SLX4: variants seen among roughly 807,000 people sequenced by gnomAD.
SLX4 encodes the protein SLX4 structure-specific endonuclease subunit.
SLX4 carries 112 observed loss-of-function variants against 146.2 expected under a neutral mutation model. The observed-to-expected ratio is 0.77, with a 90% CI of 0.66 to 0.90. The LOEUF is 0.90. Ranked by LOEUF, SLX4 falls within the 40% of genes least tolerant of loss-of-function variation. SLX4 has a pLI of 0.00. For missense variants in SLX4, 2,563 were observed against 2,392.7 expected (o/e 1.07, Z -1.49); for synonymous variants, 1,061 against 997.7 (o/e 1.06, Z -1.20).
At chr16:3,588,296 C>T (rs939231849) in intron 12 of SLX4, among the ~76,000 whole-genome samples, 8 of 152,228 alleles carry the variant, frequency 5.3e-5, no homozygotes, top group African/African-American at 1.9e-4. Context: ...TTTGCCTATT[C>T]TAGACATTTC....
chr16:3,605,098 A>C, intron 3 of SLX4, among the ~76,000 whole-genome samples: 1 of 147,706 alleles, frequency 6.8e-6, no homozygotes, highest in East Asian at 2.0e-4. Context: ...TTAAAAAAAA[A>C]TTTTTTTTTG....
intron 9 of SLX4, 109 bp downstream of exon 9, chr16:3,595,496 C>G (rs1232708563): frequency 3.3e-5 from 40 of 1,221,974 alleles, no homozygotes; most frequent in Non-Finnish European, 2.4e-6. Context: ...CCTTGAGAGG[C>G]CACTGCACTT....
At position 3,583,550 on chromosome 16, in the gene SLX4, A is replaced by C. The variant is rs767577687; in HGVS notation, c.4740-40T>G. The C allele has an allele frequency of 5.0e-6, 8 of 1,610,674 alleles. No homozygotes were observed. In the South Asian group the frequency reaches 8.8e-5, roughly 18 times the overall value. ...GGTGGATCTCAGGACCCACCCACAC[A>C]GCTGGTCCACACTCCACGTTCCCTA... On this transcript the variant is annotated intron_variant, in intron 13 of 14. Coordinates refer to ENST00000294008, the MANE Select transcript of SLX4 (RefSeq NM_032444.4).
At chr16:3,604,242 G>A (rs1293328424) in intron 3 of SLX4, among the ~76,000 whole-genome samples, 1 of 150,258 alleles carries the variant, frequency 6.7e-6, no homozygotes, top group Non-Finnish European at 1.5e-5. Flanking sequence ...AAAAGTCAGT[G>A]TCATGGAAAA....
rs555189139 is a variant in SLX4 at position 3,599,707 on chromosome 16, C to T, written c.1163+1272G>A. Among the ~76,000 whole-genome samples the T allele has an allele frequency of 1.8e-4, 28 of 152,310 alleles. No individual in the cohort carries two copies. In the South Asian group the frequency reaches 3.5e-3, roughly 19 times the overall value. On this transcript the variant is annotated intron_variant, in intron 5 of 14. Transcript: ENST00000294008. ...GCTCAAGTGATCCTTCCGCCTCAGC[C>T]TCCCACGTAGCTGGGACTACAGGTG...
chr16:3,591,976 G>A (rs748467491), intron 11 of SLX4, among the ~76,000 whole-genome samples: 2 of 152,188 alleles, frequency 1.3e-5, no homozygotes, highest in African/African-American at 4.8e-5. Flanking sequence ...GCAACACAGC[G>A]ACACTCCGTC....
chr16:3,595,626 C>A lies in SLX4; in HGVS notation c.1992G>T (p.Pro664=), dbSNP rs770441819. The part of the protein sequence containing the change: ...GFVVPSQDKH[P]DRGGRTLLSL... ...TTACCAAGGTGCGGCCGCCCCTGTCCGGGTGCTTGTCCTGCGATGGCACCA... is the reference window on the plus strand; with the variant it reads ...TTACCAAGGTGCGGCCGCCCCTGTCAGGGTGCTTGTCCTGCGATGGCACCA... Residue 664 remains proline, a synonymous_variant, in exon 9 of 15, where the codon CCG becomes CCT. Coordinates refer to ENST00000294008, the MANE Select transcript of SLX4 (RefSeq NM_032444.4). 3 of 1,614,024 alleles carry A rather than the reference C, an allele frequency of 1.9e-6. No individual in the cohort carries two copies. The highest frequency in any genetic ancestry group is 2.5e-6 in the Non-Finnish European group (3 of 1,180,036).
At chr16:3,583,063 G>T in intron 14 of SLX4, 34 bp downstream of exon 14, 2 of 1,613,562 alleles carry the variant, frequency 1.2e-6, no homozygotes, top group Non-Finnish European at 1.7e-6. Flanking sequence ...GAGGATACAT[G>T]AGGCCACTGA....
chr16:3,596,327 AC>A lies in SLX4; in HGVS notation c.1749del (p.Arg583SerfsTer41), dbSNP rs776689026. ...PPEHSELSER[R>X]SPALHGTPTA... ...GTGGGGGTGCCGTGGAGAGCGGGTGACCTTCGCTCGCTCAGCTCTGAGTGCT... is the reference window on the plus strand; with the variant it reads ...GTGGGGGTGCCGTGGAGAGCGGGTGACTTCGCTCGCTCAGCTCTGAGTGCT... On this transcript the variant is annotated frameshift_variant, in exon 8 of 15. Coordinates refer to ENST00000294008, the MANE Select transcript of SLX4 (RefSeq NM_032444.4). LOFTEE classifies it high-confidence loss of function. 6.3e-7 allele frequency: 1 copy of A among 1,587,066 alleles called. No individual in the cohort carries two copies. Among genetic ancestry groups the A allele is most frequent in the East Asian group, 2.3e-5 (1 of 43,788 alleles).
chr16:3,593,486 G>A (rs1243377609), intron 10 of SLX4, among the ~76,000 whole-genome samples: 1 of 152,212 alleles, frequency 6.6e-6, no homozygotes, highest in African/African-American at 2.4e-5. Context: ...CCAAAGTACG[G>A]GGATCTCAGG....
chr16:3,608,308 C>A (rs2040808735), intron 2 of SLX4, 122 bp downstream of exon 2: 1 of 1,035,046 alleles, frequency 9.7e-7, no homozygotes, highest in Admixed American at 1.8e-5. Context: ...CCTGCTTTCT[C>A]ACTATGACAG....
In SLX4 at chr16:3,590,552, G is replaced by A. The variant is rs1425305342; in HGVS notation, c.3086C>T (p.Pro1029Leu). ...SHRLAPWQASPPHPCRFLLGP... is the reference protein window; with the variant it reads ...SHRLAPWQASLPHPCRFLLGP... ...CAATAGGAAGCGGCACGGGTGCGGT[G>A]GAGATGCCTGCCAGGGAGCCAGGCG... Residue 1029 changes from proline to leucine, a missense_variant, in exon 12 of 15, where the codon CCA (proline) becomes CTA (leucine). Pro to Leu is a moderately conservative substitution (Grantham distance 98, BLOSUM62 -3). Coordinates refer to ENST00000294008, the MANE Select transcript of SLX4 (RefSeq NM_032444.4). This position sits in a 1 kb window ranked among gnomAD's most constrained non-coding sequence, Gnocchi z 4.8. 3 of 1,612,464 alleles carry A rather than the reference G, an allele frequency of 1.9e-6. No homozygotes were observed. The highest frequency in any genetic ancestry group is 2.7e-5 in the African/African-American group (2 of 74,892).
chr16:3,606,342 G>T, intron 3 of SLX4, 132 bp downstream of exon 3: 1 of 971,730 alleles, frequency 1.0e-6, no homozygotes, highest in Non-Finnish European at 1.7e-6. Flanking sequence ...CAGTGAAGTG[G>T]CAAAGGTAAA....
rs1217383130 is a variant in SLX4 at position 3,608,574 on chromosome 16, T to C, written c.391A>G (p.Ser131Gly). Residue 131 changes from serine (S) to glycine (G), a missense_variant, in exon 2 of 15, where the codon AGT (serine) becomes GGT (glycine). Transcript: ENST00000294008. ...KKQRVTKWQA[S>G]EPAHSVNGEG... ...CCATTCACAGAGTGGGCCGGTTCACTTGCTTGCCATTTGGTTACCCTTTGC... is the reference window on the plus strand; with the variant it reads ...CCATTCACAGAGTGGGCCGGTTCACCTGCTTGCCATTTGGTTACCCTTTGC... The C allele has an allele frequency of 1.2e-6, 2 of 1,614,078 alleles. No individual in the cohort carries two copies. The highest frequency in any genetic ancestry group is 1.7e-6 in the Non-Finnish European group (2 of 1,180,044).
rs747849749 is a variant in SLX4, at chr16:3,609,174, C to G, written c.-210G>C. Reference sequence around the variant, plus strand: ...ATCCCAGCTCTTTTGGAGGACGAGGCGGGGGGTGGATCACCTGAGGTCAGA... The same window carrying G: ...ATCCCAGCTCTTTTGGAGGACGAGGGGGGGGGTGGATCACCTGAGGTCAGA... On this transcript the variant is annotated 5_prime_UTR_variant, in exon 2 of 15. Coordinates refer to ENST00000294008, the MANE Select transcript of SLX4 (RefSeq NM_032444.4). The G allele has an allele frequency of 3.8e-6, 2 of 531,890 alleles. No homozygotes were observed. Among genetic ancestry groups the G allele is most frequent in the Non-Finnish European group, 6.7e-6 (2 of 298,516 alleles). 32.9% of individuals were successfully genotyped at this position (531,890 alleles called of 1,614,324 possible). A position where few individuals can be genotyped will look rare whatever the true frequency, so the allele number is the denominator to read the frequency against.
intron 7 of SLX4, among the ~76,000 whole-genome samples, chr16:3,596,615 A>G (rs1171205151): frequency 6.6e-6 from 1 of 152,198 alleles, no homozygotes; most frequent in Non-Finnish European, 1.5e-5. Flanking sequence ...GTCACGGCCA[A>G]GGCCAGGCCT....
At chr16:3,606,861 T>A (rs551352882) in intron 2 of SLX4, among the ~76,000 whole-genome samples, 163 bp from the exon 3 acceptor site, 3 of 152,330 alleles carry the variant, frequency 2.0e-5, no homozygotes, top group Middle Eastern at 3.4e-3. Flanking sequence ...GTAACCTCTT[T>A]GTTTATGGCA....
intron 3 of SLX4, among the ~76,000 whole-genome samples, chr16:3,606,183 G>A (rs1045693669): frequency 1.3e-5 from 2 of 151,686 alleles, no homozygotes; most frequent in African/African-American, 2.4e-5. Flanking sequence ...CCTGGGAGGC[G>A]GAGGTTGCAG....
intron 5 of SLX4, among the ~76,000 whole-genome samples, chr16:3,598,941 C>T (rs1487029960): frequency 1.3e-5 from 2 of 152,220 alleles, no homozygotes; most frequent in African/African-American, 4.8e-5. Context: ...CTGATGACCA[C>T]AGGCTTGGCC....
Sources: allele counts gnomAD v4.1 joint callset (sites outside exome capture counted in the v4.1 genomes callset), GRCh38; gene constraint gnomAD v4.1.1; non-coding constraint Gnocchi (gnomAD v3.1); transcripts MANE v1.5; gene names NCBI Gene and HGNC (gene_info 2026-07-23, HGNC 2026-07-21).